The following KIAA0319 variants were observed in gnomAD, a reference collection of about 807,000 sequenced individuals.
KIAA0319 encodes the protein dyslexia-associated protein KIAA0319.
KIAA0319 carries 83 observed loss-of-function variants against 108.4 expected under a neutral mutation model. That is an observed-to-expected ratio of 0.77 (90% CI 0.64 to 0.92). The LOEUF is 0.92. KIAA0319 is among the 40% of genes least tolerant of loss of function. The probability of loss-of-function intolerance (pLI) is 0.00; values close to 1 mark genes in which losing one functional copy is unlikely to be tolerated. For synonymous variants in KIAA0319, 484 were observed against 510.4 expected (o/e 0.95, Z 0.70); for missense variants, 1,195 against 1,322.4 (o/e 0.90, Z 1.49).
In KIAA0319 at chr6:24,564,322, C is replaced by T; in HGVS notation, c.2311G>A (p.Asp771Asn). 1.9e-6 allele frequency: 3 copies of T among 1,614,178 alleles called. No homozygotes were observed. Among genetic ancestry groups the T allele is most frequent in the Non-Finnish European group, 2.5e-6 (3 of 1,180,022 alleles). The change falls in exon 15 of 21, where the codon GAC becomes AAC. Residue 771 changes from aspartate (D) to asparagine (N), a missense_variant. Transcript: ENST00000378214. ...GTAAGCTGCAGAGCCACACTGTGGT[C>T]AGAGCCATCGATGACATCCTGCGAA... Reference protein sequence around the residue: ...PAAGDVIDGSDHSVALQLTNL... With the variant: ...PAAGDVIDGSNHSVALQLTNL...
rs1407947526 is a variant in KIAA0319 at position 24,624,361 on chromosome 6, ACTAT to A, written c.-106+21371_-106+21374del. Among the ~76,000 whole-genome samples, 7 of 151,892 alleles carry A rather than the reference ACTAT, an allele frequency of 4.6e-5. 1 individual carries two copies. The highest frequency in any genetic ancestry group is 3.4e-3 in the Middle Eastern group (1 of 294). On this transcript the variant is annotated intron_variant, in intron 1 of 20. Coordinates refer to ENST00000378214, the MANE Select transcript of KIAA0319 (RefSeq NM_014809.4). ...GGCCTTGAATTTCTTTATTGCACAA[ACTAT>A]CTATCAAACATGTAAACAAAATCAA...
rs767949638 is a variant in KIAA0319 at position 24,596,100 on chromosome 6, C to T, written c.574G>A (p.Glu192Lys). The change falls in exon 3 of 21, where the codon GAG (glutamate) becomes AAG (lysine). Residue 192 changes from glutamate to lysine, a missense_variant. Physicochemically the swap from Glu to Lys is moderately conservative, Grantham distance 56. Coordinates refer to ENST00000378214, the MANE Select transcript of KIAA0319 (RefSeq NM_014809.4). ...CCAACAGAGGAGTTGAAGGCCCCCT[C>T]GCTGCCCGGCAGTAGGCCCCAGTCC... ...YTDWGLLPGS[E>K]GAFNSSVGDS... 9.3e-6 allele frequency: 15 copies of T among 1,613,978 alleles called. No homozygotes were observed. Among genetic ancestry groups the T allele is most frequent in the Non-Finnish European group, 1.1e-5 (13 of 1,179,986 alleles).
At chr6:24,559,413 T>C (rs529309556) in intron 16 of KIAA0319, among the ~76,000 whole-genome samples, 12 of 152,340 alleles carry the variant, frequency 7.9e-5, no homozygotes, top group Non-Finnish European at 1.3e-4. Flanking sequence ...GTATCAGTTT[T>C]TGAAAATCCT....
At chr6:24,604,881 C>T (rs548328692) in intron 1 of KIAA0319, among the ~76,000 whole-genome samples, 2 of 152,232 alleles carry the variant, frequency 1.3e-5, no homozygotes, top group African/African-American at 2.4e-5. Flanking sequence ...GCTCTTGTCA[C>T]CCAGGCTGGA....
rs760041574 is a variant in KIAA0319 at position 24,554,559 on chromosome 6, C to G, written c.2930G>C (p.Cys977Ser). ...TAGGTACCTTTTGCAGCAGCAGATG[C>G]AAAGCCAAGTGAAACCTCCTGTTAG... ...IVLTGGFTWL[C>S]ICCCKRQKRT... Residue 977 changes from cysteine (C) to serine (S), a missense_variant, in exon 19 of 21, where the codon TGC becomes TCC. Physicochemically the swap from Cys to Ser is moderately radical, Grantham distance 112. Coordinates refer to ENST00000378214, the MANE Select transcript of KIAA0319 (RefSeq NM_014809.4). The G allele has an allele frequency of 8.7e-6, 14 of 1,613,562 alleles. No individual in the cohort carries two copies. In the Admixed American group the frequency reaches 2.2e-4, roughly 25 times the overall value.
chr6:24,601,236 G>A, intron 1 of KIAA0319, 28 bp from the exon 2 acceptor site: 1 of 1,514,582 alleles, frequency 6.6e-7, no homozygotes, highest in South Asian at 1.3e-5. Context: ...AAAAGAGGAA[G>A]GAAGAAAAGA....
At chr6:24,556,789 C>A (rs1762355439) in intron 17 of KIAA0319, 60 bp from the exon 18 acceptor site, 2 of 1,558,710 alleles carry the variant, frequency 1.3e-6, no homozygotes, top group Admixed American at 3.8e-5. Context: ...CTGGATTCAG[C>A]TTCTTTTGTA....
At chr6:24,635,431 G>C (rs1163962858) in intron 1 of KIAA0319, among the ~76,000 whole-genome samples, 1 of 152,112 alleles carries the variant, frequency 6.6e-6, no homozygotes, top group Admixed American at 6.6e-5. Flanking sequence ...GTAGGACTCA[G>C]CTTTTGGCTT....
chr6:24,568,782 C>T lies in KIAA0319; in HGVS notation c.2139G>A (p.Lys713=), dbSNP rs758249116. The T allele has an allele frequency of 7.4e-6, 12 of 1,613,766 alleles. No homozygotes were observed. In the South Asian group the frequency reaches 1.3e-4, roughly 18 times the overall value. Reference sequence around the variant, plus strand: ...CCTGTCCACCTCAGACCCACTCACCCTTCTTCACAGCCACAGTGAGGGTGG... The same window carrying T: ...CCTGTCCACCTCAGACCCACTCACCTTTCTTCACAGCCACAGTGAGGGTGG... The part of the protein sequence containing the change: ...STSTLTVAVK[K]ENNSPPRARA... Residue 713 remains lysine, a splice_region_variant and synonymous_variant, in exon 13 of 21, where the codon AAG becomes AAA. Coordinates refer to ENST00000378214, the MANE Select transcript of KIAA0319 (RefSeq NM_014809.4).
At chr6:24,566,510 A>G in intron 14 of KIAA0319, 87 bp downstream of exon 14, 1 of 1,189,462 alleles carries the variant, frequency 8.4e-7, no homozygotes, top group Non-Finnish European at 1.2e-6. Context: ...TCCTTAGAAT[A>G]TACCGTGATA....
rs1762278274 is a variant in KIAA0319 at position 24,556,294 on chromosome 6, G to A, written c.2857+313C>T. ...TTCCTGGGCTGAAGCAATTGTCCCA[G>A]CTCATCCTCCTGAGTAGCTGGGACT... On this transcript the variant is annotated intron_variant, in intron 18 of 20. Transcript: ENST00000378214. Among the ~76,000 whole-genome samples, 3 of 150,960 alleles carry A rather than the reference G, an allele frequency of 2.0e-5. No individual in the cohort carries two copies. The South Asian group carries it at 6.3e-4, about 32-fold the overall frequency.
At chr6:24,566,865 T>A in intron 13 of KIAA0319, 117 bp from the exon 14 acceptor site, 2 of 959,276 alleles carry the variant, frequency 2.1e-6, no homozygotes, top group Non-Finnish European at 1.5e-6. Context: ...TATGTAGAAT[T>A]AAAATATCCA....
At chr6:24,581,745 A>T (rs1766574629) in intron 6 of KIAA0319, among the ~76,000 whole-genome samples, 2 of 152,238 alleles carry the variant, frequency 1.3e-5, no homozygotes, top group Non-Finnish European at 2.9e-5. Context: ...TATACTAAGT[A>T]ACCCAAATAA....
chr6:24,540,968 C>T (rs1430884307), downstream of KIAA0319, among the ~76,000 whole-genome samples: 2 of 152,122 alleles, frequency 1.3e-5, no homozygotes, highest in Non-Finnish European at 2.9e-5. Flanking sequence ...TACACCTCTA[C>T]CTAATTTGAT....
chr6:24,567,866 G>A (rs1475956622), intron 13 of KIAA0319, among the ~76,000 whole-genome samples: 1 of 152,096 alleles, frequency 6.6e-6, no homozygotes, highest in African/African-American at 2.4e-5. Context: ...AATCCTGCTT[G>A]TCCAGAAGGG....
chr6:24,552,621 T>C (rs954041526), intron 19 of KIAA0319, among the ~76,000 whole-genome samples: 1 of 152,236 alleles, frequency 6.6e-6, no homozygotes, highest in Admixed American at 6.5e-5. Context: ...CTCCTTTTTT[T>C]TGAGATGGAG....
intron 1 of KIAA0319, among the ~76,000 whole-genome samples, chr6:24,613,104 G>T (rs1237030211): frequency 6.6e-6 from 1 of 152,092 alleles, no homozygotes; most frequent in Non-Finnish European, 1.5e-5. Context: ...TGAATTATGT[G>T]AATGTTTTTA....
At chr6:24,567,372 A>G (rs892594183) in intron 13 of KIAA0319, among the ~76,000 whole-genome samples, 13 of 152,162 alleles carry the variant, frequency 8.5e-5, no homozygotes, top group Non-Finnish European at 1.5e-5. Flanking sequence ...AACAATGATA[A>G]TTAGGCCCTC....
intron 1 of KIAA0319, among the ~76,000 whole-genome samples, chr6:24,644,264 T>C (rs1353624465): frequency 6.6e-6 from 1 of 152,114 alleles, no homozygotes; most frequent in Non-Finnish European, 1.5e-5. Flanking sequence ...GTTCCCACTC[T>C]GAACCAGGGA....
Sources: gnomAD v4.1 joint callset for allele counts (sites outside exome capture counted in the v4.1 genomes callset) on GRCh38, gnomAD v4.1.1 for gene constraint, MANE v1.5 for transcripts, NCBI Gene and HGNC (gene_info 2026-07-23, HGNC 2026-07-21) for gene names.